The following AXIN2 variants were observed in gnomAD, a reference collection of about 807,000 sequenced individuals.
AXIN2 encodes axin 2.
In AXIN2, 21 loss-of-function variants were observed where a neutral mutation model predicts 74.7. The observed-to-expected ratio is 0.28, with a 90% CI of 0.20 to 0.40. The LOEUF (loss-of-function observed/expected upper bound fraction) is 0.40, where lower values mean the gene tolerates loss of function less well. Among genes scored for constraint, AXIN2 ranks in the 10% least tolerant of loss-of-function variants. The pLI is 1.00. For synonymous variants in AXIN2, 532 were observed against 454.9 expected (o/e 1.17, Z -2.16); for missense variants, 1,144 against 1,111.1 (o/e 1.03, Z -0.42).
chr17:65,538,174 A>G (rs1431965645), intron 5 of AXIN2, 29 bp downstream of exon 5: 1 of 1,613,860 alleles, frequency 6.2e-7, no homozygotes, highest in African/African-American at 1.3e-5. Context: ...CCGTGGACGG[A>G]AGCAGGAAGA....
chr17:65,551,075 C>A (rs529601234), intron 2 of AXIN2, among the ~76,000 whole-genome samples: 2 of 152,274 alleles, frequency 1.3e-5, no homozygotes, highest in East Asian at 3.9e-4. Flanking sequence ...AGACTAGACT[C>A]AACATGTTTC....
chr17:65,541,033 C>T (rs975507981), intron 4 of AXIN2, among the ~76,000 whole-genome samples: 3 of 152,128 alleles, frequency 2.0e-5, no homozygotes, highest in African/African-American at 4.8e-5. Context: ...CACGTCACCA[C>T]GCTAGGCTAA....
rs374479599 is a variant in AXIN2 at position 65,549,597 on chromosome 17, T to C, written c.879A>G (p.Pro293=). ...YHIGSGYVFA[P]ATSANDSEIS... Reference sequence around the variant, plus strand: ...TCTCACTGTCGTTGGCGCTGGTGGCTGGTGCAAAGACATAGCCAGAACCTA... The same window carrying C: ...TCTCACTGTCGTTGGCGCTGGTGGCCGGTGCAAAGACATAGCCAGAACCTA... Residue 293 remains proline, a synonymous_variant, in exon 3 of 11, where the codon CCA becomes CCG. Coordinates refer to ENST00000307078, the MANE Select transcript of AXIN2 (RefSeq NM_004655.4). 68 of 1,607,316 alleles carry C rather than the reference T, an allele frequency of 4.2e-5. No homozygotes were observed. The African/African-American group carries it at 7.3e-4, about 17-fold the overall frequency.
intron 2 of AXIN2, among the ~76,000 whole-genome samples, chr17:65,553,057 C>G (rs2044216969): frequency 6.6e-6 from 1 of 152,042 alleles, no homozygotes; most frequent in Admixed American, 6.6e-5. Context: ...AACAAAAAAC[C>G]AGAGAGCTCC....
rs2044108208 is a variant in AXIN2, at chr17:65,545,650, G to A, written c.956+3870C>T. On this transcript the variant is annotated intron_variant, in intron 3 of 10. Coordinates refer to ENST00000307078, the MANE Select transcript of AXIN2 (RefSeq NM_004655.4). ...CAGCCTGGCAACAGAGTGAGACTCT[G>A]TCTCAAAAAAAAATTAAGCCATTTC... 3.3e-5 allele frequency among the ~76,000 whole-genome samples: 5 copies of A among 152,016 alleles called. 1 individual carries two copies. The South Asian group carries it at 1.0e-3, about 32-fold the overall frequency.
chr17:65,530,487 G>A (rs1289949968), intron 10 of AXIN2, among the ~76,000 whole-genome samples: 7 of 152,254 alleles, frequency 4.6e-5, no homozygotes, highest in Non-Finnish European at 8.8e-5. Context: ...TTCCTTTGCA[G>A]CAGGAGCCAA....
chr17:65,541,708 C>T, intron 3 of AXIN2, 151 bp from the exon 4 acceptor site: 1 of 739,988 alleles, frequency 1.4e-6, no homozygotes, highest in Admixed American at 2.0e-5. Flanking sequence ...CATCGGTGCT[C>T]CCACAGGGAA....
rs370461337 is a variant in AXIN2 at position 65,538,192 on chromosome 17, G to A, written c.1200+11C>T. On this transcript the variant is annotated intron_variant, in intron 5 of 10. Coordinates refer to ENST00000307078, the MANE Select transcript of AXIN2 (RefSeq NM_004655.4). ...TGGACGGAAGCAGGAAGAAGGCCTA[G>A]GCCGCATTACCTCTCGGATCTGCTG... The A allele has an allele frequency of 4.3e-6, 7 of 1,614,076 alleles. No individual in the cohort carries two copies. Among genetic ancestry groups the A allele is most frequent in the Non-Finnish European group, 5.9e-6 (7 of 1,180,044 alleles).
rs758273374 is a variant in AXIN2, at chr17:65,549,505, G to A, written c.956+15C>T. 4 of 1,612,042 alleles carry A rather than the reference G, an allele frequency of 2.5e-6. No individual in the cohort carries two copies. The highest frequency in any genetic ancestry group is 2.2e-5 in the East Asian group (1 of 44,812). On this transcript the variant is annotated intron_variant, in intron 3 of 10. Coordinates refer to ENST00000307078, the MANE Select transcript of AXIN2 (RefSeq NM_004655.4). ...CTCCCAAGCAAGCCCACGGAAGGGT[G>A]GCCAGGATACTCACACACTGCTGTC...
intron 9 of AXIN2, 84 bp from the exon 10 acceptor site, chr17:65,534,163 A>G (rs932766119): frequency 4.6e-5 from 69 of 1,502,816 alleles, no homozygotes; most frequent in African/African-American, 1.4e-4. Flanking sequence ...GCACATGTGC[A>G]TAAGTGACAG....
At chr17:65,560,857 C>G (rs2044358455) in intron 1 of AXIN2, 1 of 149,902 alleles carries the variant, frequency 6.7e-6, no homozygotes, top group South Asian at 2.1e-4. Flanking sequence ...GCGGCGAGAC[C>G]TCGCAGGCGC....
intron 8 of AXIN2, among the ~76,000 whole-genome samples, chr17:65,535,989 ACAGCTTCTTATATACT>A (rs1230983982): frequency 6.6e-6 from 1 of 152,130 alleles, no homozygotes; most frequent in Non-Finnish European, 1.5e-5. Context: ...CCTCCATCTC[ACAGCTTCTTATATACT>A]CAACTAACCA....
chr17:65,541,636 A>G, intron 3 of AXIN2, 79 bp from the exon 4 acceptor site: 2 of 1,192,550 alleles, frequency 1.7e-6, no homozygotes, highest in Non-Finnish European at 2.5e-6. Flanking sequence ...GTCATATGCC[A>G]TCTTGAGATC....
At chr17:65,553,190 G>A (rs2044218335) in intron 2 of AXIN2, among the ~76,000 whole-genome samples, 1 of 152,200 alleles carries the variant, frequency 6.6e-6, no homozygotes, top group Non-Finnish European at 1.5e-5. Flanking sequence ...ATGAGGGACA[G>A]CCCTGTCCTC....
chr17:65,535,432 A>C (rs1259293517), intron 9 of AXIN2, among the ~76,000 whole-genome samples, 194 bp downstream of exon 9: 2 of 152,136 alleles, frequency 1.3e-5, no homozygotes, highest in Non-Finnish European at 2.9e-5. Flanking sequence ...GACCAGAAAA[A>C]CTTTTGCTAT....
intron 10 of AXIN2, among the ~76,000 whole-genome samples, chr17:65,531,717 G>A (rs375029570): frequency 6.6e-6 from 1 of 152,064 alleles, no homozygotes; most frequent in African/African-American, 2.4e-5. Context: ...ACACTGCACT[G>A]CCCTCATTTT....
intron 9 of AXIN2, among the ~76,000 whole-genome samples, chr17:65,534,284 G>C (rs544502586): frequency 7.2e-5 from 11 of 152,352 alleles, no homozygotes; most frequent in African/African-American, 2.4e-4. Context: ...CCCCACATGT[G>C]CTGCATGCAG....
Position 65,534,047 on chromosome 17 carries a change from T to C in AXIN2, c.2270A>G (p.His757Arg). Reference protein sequence around the residue: ...HKEPKKLAGVHALQASELVVT... With the variant: ...HKEPKKLAGVRALQASELVVT... ...AACCAACTCACTGGCCTGGAGCGCG[T>C]GGACACCTGCCAGTTTCTTTGGCTC... The change falls in exon 10 of 11, where the codon CAC (histidine) becomes CGC (arginine). Residue 757 changes from histidine to arginine, a missense_variant. By Grantham distance (29) the His-to-Arg change is conservative. This residue lies in a region of AXIN2 where 1,053 missense variants were observed against 973.5 expected (regional missense o/e 1.08). Coordinates refer to ENST00000307078, the MANE Select transcript of AXIN2 (RefSeq NM_004655.4). 1.9e-6 allele frequency: 3 copies of C among 1,614,236 alleles called. No homozygotes were observed. The highest frequency in any genetic ancestry group is 2.5e-6 in the Non-Finnish European group (3 of 1,180,036).
chr17:65,560,584 C>G (rs971539748), intron 1 of AXIN2: 4 of 151,922 alleles, frequency 2.6e-5, no homozygotes, highest in African/African-American at 9.7e-5. Context: ...ACTGCCGCCA[C>G]TCGGATAAGT....
Sources: allele counts gnomAD v4.1 joint callset (sites outside exome capture counted in the v4.1 genomes callset), GRCh38; gene constraint gnomAD v4.1.1; regional missense constraint gnomAD v4.1.1; transcripts MANE v1.5; gene names NCBI Gene and HGNC (gene_info 2026-07-23, HGNC 2026-07-21).